The following HYCC1 variants were observed in gnomAD, a reference collection of about 807,000 sequenced individuals.
The protein encoded by HYCC1 is hyccin PI4KA lipid kinase complex subunit 1.
At chr7:22,970,455 A>G in the HYCC1 span, among the ~76,000 whole-genome samples, 1 of 152,218 alleles carries the variant, frequency 6.6e-6, no homozygotes, top group African/African-American at 2.4e-5. Context: ...AGCAGTGAAC[A>G]AAAAGTTCCT....
chr7:22,899,151 C>T, the HYCC1 span, among the ~76,000 whole-genome samples: 1 of 152,116 alleles, frequency 6.6e-6, no homozygotes. Context: ...GTCACGATGG[C>T]AGGAGGGCAG....
At chr7:22,903,834 C>T in the HYCC1 span, among the ~76,000 whole-genome samples, 1 of 152,122 alleles carries the variant, frequency 6.6e-6, no homozygotes, top group East Asian at 1.9e-4. Flanking sequence ...TTTTTAATAT[C>T]ATAACCTGGC....
chr7:22,916,751 C>A, the HYCC1 span, among the ~76,000 whole-genome samples: 1 of 152,238 alleles, frequency 6.6e-6, no homozygotes, highest in African/African-American at 2.4e-5. Context: ...CCAGCAAAGG[C>A]AGGCTATGCT....
At chr7:22,897,509 G>T in the HYCC1 span, among the ~76,000 whole-genome samples, 1 of 152,336 alleles carries the variant, frequency 6.6e-6, no homozygotes, top group Admixed American at 6.5e-5. Context: ...TAATCTATGA[G>T]GGTAACAGTA....
At chr7:22,985,830 A>G in the HYCC1 span, 9 of 148,820 alleles carry the variant, frequency 6.0e-5, no homozygotes, top group Non-Finnish European at 1.3e-4. Context: ...TATATAATTT[A>G]TATATATAAA....
the HYCC1 span, among the ~76,000 whole-genome samples, chr7:22,988,284 A>C: frequency 6.6e-6 from 1 of 152,216 alleles, no homozygotes; most frequent in Non-Finnish European, 1.5e-5. Flanking sequence ...AATTGGGTAA[A>C]GTTAATCTTG....
chr7:23,004,251 A>C, the HYCC1 span, among the ~76,000 whole-genome samples: 1 of 152,208 alleles, frequency 6.6e-6, no homozygotes, highest in Non-Finnish European at 1.5e-5. Context: ...TTTAATCCCT[A>C]AAGTATTTTA....
chr7:22,913,401 C>T, the HYCC1 span, among the ~76,000 whole-genome samples: 10 of 152,172 alleles, frequency 6.6e-5, no homozygotes, highest in African/African-American at 2.2e-4. Context: ...CACTGTCATC[C>T]GACTTCACTG....
the HYCC1 span, among the ~76,000 whole-genome samples, chr7:22,949,765 A>G: frequency 6.6e-6 from 1 of 152,032 alleles, no homozygotes; most frequent in East Asian, 1.9e-4. Context: ...AAAGGTCTGC[A>G]GCCCAAGAAG....
chr7:22,928,442 G>A, the HYCC1 span, among the ~76,000 whole-genome samples: 4 of 152,172 alleles, frequency 2.6e-5, no homozygotes, highest in Non-Finnish European at 5.9e-5. Context: ...AAACCCCATA[G>A]TCTCAGCCCA....
the HYCC1 span, among the ~76,000 whole-genome samples, chr7:23,008,083 ATAAGGAT>A: frequency 6.6e-6 from 1 of 152,130 alleles, no homozygotes; most frequent in East Asian, 1.9e-4. Context: ...AGAAAAAGAA[ATAAGGAT>A]TAAGTGTTAG....
At chr7:22,898,591 TTTCTTTTCTTTTC>T in the HYCC1 span, among the ~76,000 whole-genome samples, 10 of 58,274 alleles carry the variant, frequency 1.7e-4, no homozygotes, top group South Asian at 6.8e-4. Flanking sequence ...TTTCTTTTCT[TTTCTTTTCTTTTC>T]TTTTTTTTTT....
the HYCC1 span, among the ~76,000 whole-genome samples, chr7:22,905,236 T>A: frequency 1.3e-5 from 2 of 152,030 alleles, no homozygotes; most frequent in Non-Finnish European, 2.9e-5. Context: ...AAACAGAGTG[T>A]TGCTGTGTTG....
chr7:22,957,864 C>T, the HYCC1 span, among the ~76,000 whole-genome samples: 1 of 151,906 alleles, frequency 6.6e-6, no homozygotes, highest in African/African-American at 2.4e-5. Flanking sequence ...GCTGTTGTGG[C>T]TCACCCTGGG....
At chr7:22,959,389 C>A in the HYCC1 span, among the ~76,000 whole-genome samples, 1 of 152,002 alleles carries the variant, frequency 6.6e-6, no homozygotes, top group African/African-American at 2.4e-5. Context: ...ACCAAATATA[C>A]CAAAAGGAAC....
At chr7:22,963,224 G>A in the HYCC1 span, among the ~76,000 whole-genome samples, 1 of 152,180 alleles carries the variant, frequency 6.6e-6, no homozygotes, top group Non-Finnish European at 1.5e-5. Context: ...GCAAGCAGTG[G>A]AACTAAATTC....
chr7:22,945,934 T>C, the HYCC1 span: 5 of 1,613,792 alleles, frequency 3.1e-6, no homozygotes, highest in Non-Finnish European at 4.2e-6. Flanking sequence ...GAGTTTGTTT[T>C]CGAGCAAAGT....
the HYCC1 span, among the ~76,000 whole-genome samples, chr7:22,921,706 A>T: frequency 5.9e-5 from 9 of 152,184 alleles, no homozygotes; most frequent in Non-Finnish European, 1.3e-4. Context: ...AGCAACATAA[A>T]TTCATATTTT....
chr7:22,924,269 G>A, the HYCC1 span, among the ~76,000 whole-genome samples: 13 of 151,954 alleles, frequency 8.6e-5, no homozygotes, highest in Non-Finnish European at 1.5e-4. Flanking sequence ...TGCAGAAGAC[G>A]GGTGATTTCC....
Sources: gnomAD v4.1 joint callset for allele counts (sites outside exome capture counted in the v4.1 genomes callset) on GRCh38, gnomAD v4.1.1 for gene constraint, MANE v1.5 for transcripts, NCBI Gene and HGNC (gene_info 2026-07-23, HGNC 2026-07-21) for gene names.